Variants in DSG4 observed in about 807,000 individuals in gnomAD.
DSG4 encodes desmoglein-4.
DSG4 carries 87 observed loss-of-function variants against 93.1 expected under a neutral mutation model. That is an observed-to-expected ratio of 0.93 (90% CI 0.79 to 1.12). The LOEUF (loss-of-function observed/expected upper bound fraction) is 1.12. Ranked by LOEUF, DSG4 falls within the 50% of genes most tolerant of loss-of-function variation. DSG4 has a pLI of 0.00. For synonymous variants in DSG4, 432 were observed against 452.9 expected (o/e 0.95, Z 0.59); for missense variants, 1,373 against 1,285.7 (o/e 1.07, Z -1.04).
chr18:31,411,257 G>A lies in DSG4; in HGVS notation c.2164G>A (p.Gly722Arg). 6.2e-7 allele frequency: 1 copy of A among 1,613,752 alleles called. No homozygotes were observed. Among genetic ancestry groups the A allele is most frequent in the Non-Finnish European group, 8.5e-7 (1 of 1,180,018 alleles). The change falls in exon 15 of 16, where the codon GGG becomes AGG. Residue 722 changes from glycine (G) to arginine (R), a missense_variant. Coordinates refer to ENST00000308128, the MANE Select transcript of DSG4 (RefSeq NM_177986.5). Reference sequence around the variant, plus strand: ...AATCTACACCAACACCTATGCAGCCGGGGGCACGGTGGAAGGAGGTGTATC... The same window carrying A: ...AATCTACACCAACACCTATGCAGCCAGGGGCACGGTGGAAGGAGGTGTATC... ...SEIYTNTYAA[G>R]GTVEGGVSGV... is the part of the protein sequence containing the mutation.
Position 31,406,171 on chromosome 18 carries a change from A to G in DSG4, c.1731A>G (p.Glu577=). 6.2e-7 allele frequency: 1 copy of G among 1,614,168 alleles called. No homozygotes were observed. The highest frequency in any genetic ancestry group is 1.3e-5 in the African/African-American group (1 of 75,028). ...LVKDSYNRAC[E]LAQMVQLYAC... is the part of the protein sequence containing the mutation. ...AGGACAGCTATAACAGAGCATGTGA[A>G]TTGGCACAAATGGTGCAGTTATATG... The change falls in exon 12 of 16, where the codon GAA becomes GAG. Residue 577 remains glutamate (E), a synonymous_variant. Coordinates refer to ENST00000308128, the MANE Select transcript of DSG4 (RefSeq NM_177986.5).
chr18:31,401,745 G>A (rs962321093), intron 10 of DSG4: 2 of 152,150 alleles, frequency 1.3e-5, no homozygotes, highest in African/African-American at 2.4e-5. Context: ...CAGGAACCAC[G>A]AAGGAAGGGG....
At position 31,412,845 on chromosome 18, in the gene DSG4, A is replaced by G. The variant is rs2072509906; in HGVS notation, c.2373A>G (p.Ala791=). 6.2e-7 allele frequency: 1 copy of G among 1,614,150 alleles called. No individual in the cohort carries two copies. Among genetic ancestry groups the G allele is most frequent in the African/African-American group, 1.3e-5 (1 of 74,950 alleles). The change falls in exon 16 of 16, where the codon GCA becomes GCG. Residue 791 remains alanine, a synonymous_variant. Transcript: ENST00000308128. ...AATTTTAGAAAGCGTATGCTTATGC[A>G]GATGAAGATGAAGGTCGACCAGCCA... ...SYFSEKAYAY[A]DEDEGRPAND...
Position 31,406,130 on chromosome 18 carries a change from A to G in DSG4, c.1690A>G (p.Ile564Val). 1 of 1,614,116 alleles carries G rather than the reference A, an allele frequency of 6.2e-7. No individual in the cohort carries two copies. The highest frequency in any genetic ancestry group is 1.1e-5 in the South Asian group (1 of 91,084). The change falls in exon 12 of 16, where the codon ATC becomes GTC. Residue 564 changes from isoleucine to valine, a missense_variant. By Grantham distance (29) the Ile-to-Val change is conservative. Transcript: ENST00000308128. ...GGTTTTATCTCCAGGATTTTATGAAATCCCAATCCTGGTGAAGGACAGCTA... is the reference window on the plus strand; with the variant it reads ...GGTTTTATCTCCAGGATTTTATGAAGTCCCAATCCTGGTGAAGGACAGCTA... ...KQVLSPGFYEIPILVKDSYNR... is the reference protein window; with the variant it reads ...KQVLSPGFYEVPILVKDSYNR...
chr18:31,392,769 AG>A (rs1322601125), intron 8 of DSG4, among the ~76,000 whole-genome samples: 3 of 152,250 alleles, frequency 2.0e-5, no homozygotes, highest in African/African-American at 7.2e-5. Flanking sequence ...GCAGGAAATA[AG>A]GCTTAAGCAA....
chr18:31,386,125 C>T (rs995971203), intron 2 of DSG4, among the ~76,000 whole-genome samples: 1 of 152,044 alleles, frequency 6.6e-6, no homozygotes, highest in Non-Finnish European at 1.5e-5. Context: ...TTGGAGGAAT[C>T]ATCAATTCCT....
chr18:31,379,136 T>C (rs2072107868), intron 1 of DSG4, among the ~76,000 whole-genome samples: 1 of 152,236 alleles, frequency 6.6e-6, no homozygotes, highest in African/African-American at 2.4e-5. Context: ...ATGCTTATCA[T>C]GTTCTTCTAT....
At chr18:31,395,627 G>A (rs552968569) in intron 8 of DSG4, among the ~76,000 whole-genome samples, 7 of 151,974 alleles carry the variant, frequency 4.6e-5, no homozygotes, top group Non-Finnish European at 8.8e-5. Flanking sequence ...ATTTTCATTC[G>A]GGATACCCCT....
chr18:31,393,447 T>A (rs1159349450), intron 8 of DSG4, among the ~76,000 whole-genome samples: 1 of 152,068 alleles, frequency 6.6e-6, no homozygotes, highest in Non-Finnish European at 1.5e-5. Flanking sequence ...AATCTTACAA[T>A]CATTGTGGAA....
chr18:31,388,879 T>C lies in DSG4; in HGVS notation c.378T>C (p.Tyr126=), dbSNP rs768239218. 2.5e-6 allele frequency: 4 copies of C among 1,613,584 alleles called. No homozygotes were observed. In the South Asian group the frequency reaches 4.4e-5, roughly 18 times the overall value. The change falls in exon 5 of 16, where the codon TAT becomes TAC. Residue 126 remains tyrosine, a synonymous_variant. Coordinates refer to ENST00000308128, the MANE Select transcript of DSG4 (RefSeq NM_177986.5). Reference sequence around the variant, plus strand: ...TTTTTTCCAATTTTCCACAGATCTATTGCCGGGCTCTGAATTCACGGGGTG... The same window carrying C: ...TTTTTTCCAATTTTCCACAGATCTACTGCCGGGCTCTGAATTCACGGGGTG... ...DREITPLFLI[Y]CRALNSRGED...
At chr18:31,407,131 ACACACACACAAAAAAAAAC>A (rs1347059978) in intron 12 of DSG4, among the ~76,000 whole-genome samples, 4 of 151,952 alleles carry the variant, frequency 2.6e-5, no homozygotes, top group Non-Finnish European at 4.4e-5. Flanking sequence ...GTAATCAAAC[ACACACACACAAAAAAAAAC>A]CACACACACA....
chr18:31,411,237 A>T lies in DSG4; in HGVS notation c.2144A>T (p.Tyr715Phe). ...TQDRMDSSEI[Y>F]TNTYAAGGTV... ...CAACATCCTCCCTTTTCAGAAATCT[A>T]CACCAACACCTATGCAGCCGGGGGC... The change falls in exon 15 of 16, where the codon TAC becomes TTC. Residue 715 changes from tyrosine to phenylalanine, a missense_variant. Physicochemically the swap from Tyr to Phe is conservative, Grantham distance 22 (BLOSUM62 3). Transcript: ENST00000308128. 6.2e-7 allele frequency: 1 copy of T among 1,613,976 alleles called. No individual in the cohort carries two copies.
chr18:31,411,065 C>T lies in DSG4; in HGVS notation c.2138-166C>T, dbSNP rs754269582. 2.8e-5 allele frequency: 43 copies of T among 1,525,050 alleles called. No individual in the cohort carries two copies. The African/African-American group carries it at 4.8e-4, about 17-fold the overall frequency. The allele number at this position is 1,525,050 out of a possible 1,614,324, so 94.5% of individuals were successfully genotyped here. On this transcript the variant is annotated intron_variant, in intron 14 of 15. Coordinates refer to ENST00000308128, the MANE Select transcript of DSG4 (RefSeq NM_177986.5). ...AATTAATTTACTTTTATTTGGTCAA[C>T]AAGCCTGGAGATGTATCGGTGTAAC...
chr18:31,392,762 G>T (rs2072263471), intron 8 of DSG4, among the ~76,000 whole-genome samples: 1 of 152,140 alleles, frequency 6.6e-6, no homozygotes, highest in Non-Finnish European at 1.5e-5. Context: ...ATTTCATGCA[G>T]GAAATAAGGC....
chr18:31,383,228 G>C (rs1053835456), intron 1 of DSG4, among the ~76,000 whole-genome samples: 1 of 152,144 alleles, frequency 6.6e-6, no homozygotes, highest in Non-Finnish European at 1.5e-5. Context: ...GAAGCCAGGG[G>C]ATTTGTCCAA....
At chr18:31,378,489 A>G (rs1277238973) in intron 1 of DSG4, among the ~76,000 whole-genome samples, 1 of 152,206 alleles carries the variant, frequency 6.6e-6, no homozygotes, top group Non-Finnish European at 1.5e-5. Context: ...ATTTATGATA[A>G]TATTATTTAA....
chr18:31,384,378 A>T (rs550558243), intron 1 of DSG4, among the ~76,000 whole-genome samples: 22 of 152,310 alleles, frequency 1.4e-4, no homozygotes, highest in African/African-American at 4.8e-4. Flanking sequence ...AATTCCAATA[A>T]AATAAAATTT....
At position 31,392,149 on chromosome 18, in the gene DSG4, T is replaced by C; in HGVS notation, c.820-6T>C. 6 of 1,613,410 alleles carry C rather than the reference T, an allele frequency of 3.7e-6. No individual in the cohort carries two copies. Among genetic ancestry groups the C allele is most frequent in the Non-Finnish European group, 5.1e-6 (6 of 1,179,570 alleles). On this transcript the variant is annotated splice_polypyrimidine_tract_variant and splice_region_variant and intron_variant, in intron 7 of 15. Coordinates refer to ENST00000308128, the MANE Select transcript of DSG4 (RefSeq NM_177986.5). The stretch of plus-strand genomic sequence containing the variant: ...ATTGACTACAAAATTGATCCTTGCA[T>C]TTTAGTACTCAGCCAGTATTGAAGA...
intron 8 of DSG4, among the ~76,000 whole-genome samples, chr18:31,398,641 T>C (rs1243718630): frequency 6.6e-6 from 1 of 152,240 alleles, no homozygotes; most frequent in Non-Finnish European, 1.5e-5. Flanking sequence ...AAAGATTCTA[T>C]TTTTTATCCA....
Sources: gnomAD v4.1 joint callset for allele counts (sites outside exome capture counted in the v4.1 genomes callset) on GRCh38, gnomAD v4.1.1 for gene constraint, MANE v1.5 for transcripts, NCBI Gene and HGNC (gene_info 2026-07-23, HGNC 2026-07-21) for gene names.